HDAC9: variants seen among roughly 807,000 people sequenced by gnomAD.
The protein encoded by HDAC9 is MEF-2 interacting transcription repressor (MITR) protein.
HDAC9 carries 41 observed loss-of-function variants against 139.4 expected under a neutral mutation model. That is an observed-to-expected ratio of 0.29 (90% CI 0.23 to 0.38). HDAC9 has a LOEUF of 0.38. Among genes scored for constraint, HDAC9 ranks in the 10% least tolerant of loss-of-function variants. HDAC9 has a pLI of 1.00. For missense variants in HDAC9, 1,147 were observed against 1,297.0 expected (o/e 0.88, Z 1.78); for synonymous variants, 517 against 476.2 (o/e 1.09, Z -1.12).
chr7:18,633,329 C>G (rs1483127014), intron 7 of HDAC9, among the ~76,000 whole-genome samples: 1 of 151,990 alleles, frequency 6.6e-6, no homozygotes, highest in Non-Finnish European at 1.5e-5. Context: ...AGTGGGTAAG[C>G]TATATTGCCA....
At chr7:18,719,253 C>CACTT (rs1784941510) in intron 12 of HDAC9, among the ~76,000 whole-genome samples, 2 of 151,088 alleles carry the variant, frequency 1.3e-5, no homozygotes. Context: ...GTTACCTTTC[C>CACTT]ACTTACTTTA....
At chr7:18,367,871 C>T (rs750856497) in intron 1 of HDAC9, among the ~76,000 whole-genome samples, 1 of 151,952 alleles carries the variant, frequency 6.6e-6, no homozygotes, top group African/African-American at 2.4e-5. Context: ...TCATTTTTGT[C>T]GTTTGGAGAA....
chr7:18,581,667 T>C (rs1055619365), intron 2 of HDAC9, among the ~76,000 whole-genome samples: 3 of 152,184 alleles, frequency 2.0e-5, no homozygotes, highest in Non-Finnish European at 4.4e-5. Flanking sequence ...TAGCTTGGCC[T>C]TTTTAATGTA....
upstream of HDAC9, among the ~76,000 whole-genome samples, chr7:18,289,192 G>A (rs624811): frequency 0.34 from 51,307 of 151,914 alleles, 9,886 homozygotes; most frequent in African/African-American, 0.55. Flanking sequence ...TGCAGTTTTT[G>A]TTCTTCAAGA....
At chr7:18,814,128 C>T (rs1794393118) in intron 17 of HDAC9, among the ~76,000 whole-genome samples, 1 of 152,120 alleles carries the variant, frequency 6.6e-6, no homozygotes, top group South Asian at 2.1e-4. Context: ...TCTTCAGACT[C>T]TACATCACTC....
At chr7:18,415,639 T>C (rs1257309935) in intron 1 of HDAC9, among the ~76,000 whole-genome samples, 6 of 152,346 alleles carry the variant, frequency 3.9e-5, no homozygotes, top group Admixed American at 6.5e-5. Context: ...TTTTGTTTTT[T>C]AAAAACTTCA....
chr7:18,736,769 C>A (rs1786948178), intron 13 of HDAC9, among the ~76,000 whole-genome samples: 1 of 152,176 alleles, frequency 6.6e-6, no homozygotes, highest in Admixed American at 6.5e-5. Flanking sequence ...ACGGAGAATT[C>A]CCTCTTTTTC....
At chr7:18,618,874 T>C (rs1195933142) in intron 6 of HDAC9, among the ~76,000 whole-genome samples, 3 of 151,330 alleles carry the variant, frequency 2.0e-5, no homozygotes, top group South Asian at 2.1e-4. Flanking sequence ...TGAATTCAGA[T>C]TTCCCCCAAA....
chr7:18,113,187 TAAG>T (rs1298153247), intron 1 of HDAC9, among the ~76,000 whole-genome samples: 2 of 151,974 alleles, frequency 1.3e-5, no homozygotes, highest in Non-Finnish European at 2.9e-5. Context: ...ATTTAAGAAA[TAAG>T]AAGGATGAGG....
At chr7:18,563,882 C>G (rs1821416313) in intron 2 of HDAC9, among the ~76,000 whole-genome samples, 1 of 143,412 alleles carries the variant, frequency 7.0e-6, no homozygotes, top group South Asian at 2.2e-4. Flanking sequence ...TGTCTCCAGG[C>G]TGGAGTGCAA....
chr7:18,294,498 T>C (rs1454353997), intron 1 of HDAC9, among the ~76,000 whole-genome samples: 1 of 152,172 alleles, frequency 6.6e-6, no homozygotes, highest in Non-Finnish European at 1.5e-5. Flanking sequence ...TAGATGCTTC[T>C]AGTCACAGGG....
intron 2 of HDAC9, among the ~76,000 whole-genome samples, chr7:18,262,460 A>G (rs1317730757): frequency 1.3e-5 from 2 of 152,250 alleles, no homozygotes; most frequent in African/African-American, 4.8e-5. Context: ...TTCCACTAGT[A>G]GACCTGTTCT....
At chr7:18,733,137 A>G (rs1239646677) in intron 13 of HDAC9, among the ~76,000 whole-genome samples, 1 of 147,350 alleles carries the variant, frequency 6.8e-6, no homozygotes, top group Non-Finnish European at 1.5e-5. Flanking sequence ...ATATATATAC[A>G]CATGTATACA....
At chr7:18,565,141 C>T (rs1047262560) in intron 2 of HDAC9, among the ~76,000 whole-genome samples, 1 of 152,028 alleles carries the variant, frequency 6.6e-6, no homozygotes, top group African/African-American at 2.4e-5. Flanking sequence ...GGATTACAGC[C>T]ATGCGCCACC....
intron 2 of HDAC9, among the ~76,000 whole-genome samples, chr7:18,528,515 T>C (rs2128229992): frequency 6.6e-6 from 1 of 152,238 alleles, no homozygotes; most frequent in African/African-American, 2.4e-5. Context: ...ACCTTTAAAA[T>C]TAAGGTTTAG....
At chr7:18,142,889 A>G (rs1259788773) in intron 1 of HDAC9, among the ~76,000 whole-genome samples, 1 of 152,162 alleles carries the variant, frequency 6.6e-6, no homozygotes, top group African/African-American at 2.4e-5. Flanking sequence ...CCACCATTAT[A>G]TGATGCTGAG....
intron 1 of HDAC9, among the ~76,000 whole-genome samples, chr7:18,387,321 A>G (rs909404318): frequency 6.6e-6 from 1 of 152,192 alleles, no homozygotes; most frequent in African/African-American, 2.4e-5. Context: ...TTTTGCATAT[A>G]AAAAGGGCTC....
intron 22 of HDAC9, among the ~76,000 whole-genome samples, chr7:18,928,224 C>T (rs1008572678): frequency 2.0e-5 from 3 of 152,180 alleles, no homozygotes; most frequent in Non-Finnish European, 4.4e-5. Flanking sequence ...CTTCCAATTC[C>T]ATTTGCAATT....
At chr7:18,875,964 A>G (rs1295992169) in intron 22 of HDAC9, among the ~76,000 whole-genome samples, 2 of 152,160 alleles carry the variant, frequency 1.3e-5, no homozygotes, top group Non-Finnish European at 2.9e-5. Context: ...CATTAAATCC[A>G]AGAATCTCAC....
Sources: allele counts gnomAD v4.1 joint callset (sites outside exome capture counted in the v4.1 genomes callset), GRCh38; gene constraint gnomAD v4.1.1; transcripts MANE v1.5; gene names NCBI Gene and HGNC (gene_info 2026-07-23, HGNC 2026-07-21).